Variants in SNAPC1 observed in about 807,000 individuals in gnomAD.
SNAPC1 encodes the protein snRNA-activating protein complex subunit 1.
In SNAPC1, 42 loss-of-function variants were observed where a neutral mutation model predicts 50.1. The observed-to-expected ratio is 0.84, with a 90% CI of 0.65 to 1.08. The LOEUF (loss-of-function observed/expected upper bound fraction) is 1.08, where lower values mean the gene tolerates loss of function less well. Ranked by LOEUF, SNAPC1 falls within the 50% of genes least tolerant of loss-of-function variation. The pLI, the probability that SNAPC1 is intolerant of heterozygous loss-of-function variation, is 0.00. For missense variants in SNAPC1, 477 were observed against 427.3 expected (o/e 1.12, Z -1.02); for synonymous variants, 164 against 144.2 (o/e 1.14, Z -0.98).
Position 61,766,925 on chromosome 14 carries a change from G to C in SNAPC1, c.178G>C (p.Ala60Pro). Residue 60 changes from alanine (A) to proline (P), a missense_variant, in exon 2 of 10, where the codon GCT becomes CCT. Transcript: ENST00000216294. Reference protein sequence around the residue: ...EKNMFTKEALALAWRYFLPPY... With the variant: ...EKNMFTKEALPLAWRYFLPPY... ...GAACATGTTTACAAAAGAAGCTTTA[G>C]CTTTGGCTTGGCGATATTTTTTACC... 1 of 1,611,702 alleles carries C rather than the reference G, an allele frequency of 6.2e-7. No individual in the cohort carries two copies. The highest frequency in any genetic ancestry group is 8.5e-7 in the Non-Finnish European group (1 of 1,178,024).
rs369582667 is a variant in SNAPC1, at chr14:61,785,277, A to G, written c.976+2880A>G. ...ACTAGCTGGGCTTGGTGGCACATGC[A>G]TGTAATCCCAGCTACTTGGGAGACT... On this transcript the variant is annotated intron_variant, in intron 8 of 9. Coordinates refer to ENST00000216294, the MANE Select transcript of SNAPC1 (RefSeq NM_003082.4). 5.8e-3 allele frequency among the ~76,000 whole-genome samples: 888 copies of G among 152,212 alleles called. 13 individuals carry two copies. Among genetic ancestry groups the G allele is most frequent in the African/African-American group, 0.02 (834 of 41,530 alleles).
chr14:61,765,177 T>C (rs888532336), intron 1 of SNAPC1, among the ~76,000 whole-genome samples: 1 of 152,254 alleles, frequency 6.6e-6, no homozygotes, highest in African/African-American at 2.4e-5. Context: ...TTACATTGAC[T>C]TTTTTAAGGC....
Position 61,766,979 on chromosome 14 carries a change from G to A in SNAPC1, c.232G>A (p.Ala78Thr), listed in dbSNP as rs2044952834. 9 of 1,610,806 alleles carry A rather than the reference G, an allele frequency of 5.6e-6. No homozygotes were observed. Among genetic ancestry groups the A allele is most frequent in the Middle Eastern group, 1.6e-4 (1 of 6,072 alleles). ...PPYTFQIRVG[A>T]LYLLYGLYNT... ...ATACACCTTCCAGATCAGAGTTGGT[G>A]CTTTGTATCTGCTATATGGATTATA... is the stretch of plus-strand genomic sequence containing the variant. The change falls in exon 2 of 10, where the codon GCT becomes ACT. Residue 78 changes from alanine to threonine, a missense_variant. Coordinates refer to ENST00000216294, the MANE Select transcript of SNAPC1 (RefSeq NM_003082.4).
rs535668229 is a variant in SNAPC1, at chr14:61,778,603, C to T, written c.763-245C>T. On this transcript the variant is annotated intron_variant, in intron 6 of 9. Coordinates refer to ENST00000216294, the MANE Select transcript of SNAPC1 (RefSeq NM_003082.4). Reference sequence around the variant, plus strand: ...CACCCAGGCTTTCATTCATACTGTCCTCCTTGAATCCTGAATGAAAATGAT... The same window carrying T: ...CACCCAGGCTTTCATTCATACTGTCTTCCTTGAATCCTGAATGAAAATGAT... Among the ~76,000 whole-genome samples, 3 of 152,294 alleles carry T rather than the reference C, an allele frequency of 2.0e-5. No homozygotes were observed. The East Asian group carries it at 5.8e-4, about 29-fold the overall frequency.
At chr14:61,765,507 G>C (rs2044940445) in intron 1 of SNAPC1, among the ~76,000 whole-genome samples, 2 of 152,210 alleles carry the variant, frequency 1.3e-5, no homozygotes, top group Non-Finnish European at 2.9e-5. Flanking sequence ...AGCAAAGGCA[G>C]GAAGACTGGA....
At chr14:61,790,230 T>C (rs2045142258) in intron 8 of SNAPC1, among the ~76,000 whole-genome samples, 1 of 152,220 alleles carries the variant, frequency 6.6e-6, no homozygotes, top group Admixed American at 6.5e-5. Context: ...GCTTATGTTA[T>C]TTAAGCTTTA....
intron 6 of SNAPC1, 145 bp from the exon 7 acceptor site, chr14:61,778,703 C>T: frequency 1.6e-6 from 1 of 628,010 alleles, no homozygotes; most frequent in Non-Finnish European, 2.8e-6. Flanking sequence ...TGTGTGTGTA[C>T]TCAATGTATA....
chr14:61,782,425 C>A (rs757978737), intron 8 of SNAPC1, 28 bp downstream of exon 8: 1 of 1,568,216 alleles, frequency 6.4e-7, no homozygotes, highest in Non-Finnish European at 8.7e-7. Flanking sequence ...TACTAAGATT[C>A]AACAAAGGAG....
Position 61,792,884 on chromosome 14 carries a change from G to C in SNAPC1, c.1054G>C (p.Glu352Gln). ...TGTAATTACAGAAGAAGAAGAGAATGAAAGTTTGAGTGGAACAGGTACAGA... is the reference window on the plus strand; with the variant it reads ...TGTAATTACAGAAGAAGAAGAGAATCAAAGTTTGAGTGGAACAGGTACAGA... ...MPVITEEEEN[E>Q]SLSGTEFTAS... Residue 352 changes from glutamate to glutamine, a missense_variant, in exon 9 of 10, where the codon GAA becomes CAA. Physicochemically the swap from Glu to Gln is conservative, Grantham distance 29. Coordinates refer to ENST00000216294, the MANE Select transcript of SNAPC1 (RefSeq NM_003082.4). 6.2e-7 allele frequency: 1 copy of C among 1,601,166 alleles called. No homozygotes were observed. Among genetic ancestry groups the C allele is most frequent in the Non-Finnish European group, 8.5e-7 (1 of 1,171,114 alleles).
At chr14:61,779,780 C>T (rs941537939) in intron 7 of SNAPC1, among the ~76,000 whole-genome samples, 8 of 142,380 alleles carry the variant, frequency 5.6e-5, no homozygotes, top group African/African-American at 1.8e-4. Context: ...GCAATTTTGG[C>T]TCACTGCAAC....
intron 1 of SNAPC1, among the ~76,000 whole-genome samples, chr14:61,765,678 A>C (rs1294431044): frequency 6.6e-6 from 1 of 152,202 alleles, no homozygotes; most frequent in Non-Finnish European, 1.5e-5. Flanking sequence ...TGCCCTAAGC[A>C]GTTTCCAGCT....
At chr14:61,786,883 C>T (rs1566592945) in intron 8 of SNAPC1, among the ~76,000 whole-genome samples, 1 of 152,230 alleles carries the variant, frequency 6.6e-6, no homozygotes, top group East Asian at 1.9e-4. Context: ...ATTGCAAGAA[C>T]TGCAAACAGC....
chr14:61,781,334 A>G (rs1004080822), intron 7 of SNAPC1, among the ~76,000 whole-genome samples: 2 of 151,726 alleles, frequency 1.3e-5, no homozygotes, highest in African/African-American at 2.4e-5. Context: ...CAGTAGTCCC[A>G]GCTACTCGGG....
At chr14:61,768,488 G>A (rs1020719647) in intron 3 of SNAPC1, 148 bp from the exon 4 acceptor site, 9 of 534,586 alleles carry the variant, frequency 1.7e-5, no homozygotes, top group African/African-American at 9.5e-5. Context: ...TCTTTGGAAC[G>A]TGGATATTTA....
At chr14:61,773,004 T>C (rs1165318677) in intron 4 of SNAPC1, among the ~76,000 whole-genome samples, 1 of 152,232 alleles carries the variant, frequency 6.6e-6, no homozygotes, top group Admixed American at 6.5e-5. Flanking sequence ...TGTCCTAGCA[T>C]AGCCTGTAAT....
At chr14:61,770,284 C>T (rs576161662) in intron 4 of SNAPC1, among the ~76,000 whole-genome samples, 1 of 150,124 alleles carries the variant, frequency 6.7e-6, no homozygotes, top group African/African-American at 2.5e-5. Flanking sequence ...CCTCTGTCAC[C>T]CAGGCTGGAA....
intron 8 of SNAPC1, among the ~76,000 whole-genome samples, chr14:61,786,292 A>G (rs577797802): frequency 6.6e-6 from 1 of 150,802 alleles, no homozygotes; most frequent in Non-Finnish European, 1.5e-5. Flanking sequence ...ACAAAAAAAA[A>G]CTGATAAATT....
chr14:61,770,812 G>A (rs1374812992), intron 4 of SNAPC1, among the ~76,000 whole-genome samples: 1 of 151,978 alleles, frequency 6.6e-6, no homozygotes, highest in Non-Finnish European at 1.5e-5. Flanking sequence ...TTGGCTCACT[G>A]CAACCTGCAA....
At chr14:61,790,099 A>G (rs368167205) in intron 8 of SNAPC1, among the ~76,000 whole-genome samples, 20 of 152,338 alleles carry the variant, frequency 1.3e-4, no homozygotes, top group East Asian at 9.6e-4. Flanking sequence ...GAGAAATACA[A>G]TGACACAATA....
Sources: allele counts gnomAD v4.1 joint callset (sites outside exome capture counted in the v4.1 genomes callset), GRCh38; gene constraint gnomAD v4.1.1; transcripts MANE v1.5; gene names NCBI Gene and HGNC (gene_info 2026-07-23, HGNC 2026-07-21).